SLC24A2: variants seen among roughly 807,000 people sequenced by gnomAD.
SLC24A2 encodes the protein sodium/potassium/calcium exchanger 2.
Under a neutral mutation model 62.0 loss-of-function variants are expected in SLC24A2, and 36 were observed. The observed-to-expected ratio is 0.58, with a 90% CI of 0.44 to 0.77. The LOEUF is 0.77. Ranked by LOEUF, SLC24A2 falls within the 30% of genes least tolerant of loss-of-function variation. SLC24A2 has a pLI of 0.00. For synonymous variants in SLC24A2, 358 were observed against 294.0 expected, an observed-to-expected ratio of 1.22 and a Z score of -2.23; for missense variants, 846 against 817.9, an observed-to-expected ratio of 1.03 and a Z score of -0.42.
At chr9:19,587,468 T>C (rs757125007) in intron 5 of SLC24A2, among the ~76,000 whole-genome samples, 56 of 152,200 alleles carry the variant, frequency 3.7e-4, no homozygotes, top group Non-Finnish European at 4.4e-5. Context: ...TGTAATCTGG[T>C]ACCTGTAAAT....
chr9:20,128,432 T>C, the SLC24A2 span, among the ~76,000 whole-genome samples: 1 of 152,150 alleles, frequency 6.6e-6, no homozygotes, highest in Admixed American at 6.6e-5. Context: ...TTACTGCTAA[T>C]AATAATGCTA....
the SLC24A2 span, among the ~76,000 whole-genome samples, chr9:19,970,613 C>G: frequency 1.3e-5 from 2 of 152,146 alleles, no homozygotes; most frequent in Non-Finnish European, 2.9e-5. Context: ...ATGTTAAGTT[C>G]ATTTGTTGAG....
At chr9:20,200,369 G>C in the SLC24A2 span, among the ~76,000 whole-genome samples, 1 of 152,142 alleles carries the variant, frequency 6.6e-6, no homozygotes, top group Non-Finnish European at 1.5e-5. Flanking sequence ...CTGTAGGCAT[G>C]GACCAAGAAA....
the SLC24A2 span, among the ~76,000 whole-genome samples, chr9:20,170,932 TAAG>T: frequency 2.0e-5 from 3 of 151,862 alleles, no homozygotes; most frequent in Admixed American, 2.0e-4. Context: ...TATCTAAAAT[TAAG>T]AAGAGGAAAA....
intron 2 of SLC24A2, among the ~76,000 whole-genome samples, chr9:19,751,418 A>T (rs1021506561): frequency 1.3e-5 from 2 of 152,080 alleles, no homozygotes; most frequent in African/African-American, 4.8e-5. Flanking sequence ...TCAAAATTTA[A>T]AAGTCTTGAG....
chr9:20,120,709 G>T, the SLC24A2 span, among the ~76,000 whole-genome samples: 2 of 151,338 alleles, frequency 1.3e-5, no homozygotes, highest in South Asian at 2.1e-4. Flanking sequence ...TAAAAGTTGG[G>T]GAAAAAAAAA....
chr9:20,155,581 TGAAA>T, the SLC24A2 span, among the ~76,000 whole-genome samples: 2 of 151,724 alleles, frequency 1.3e-5, no homozygotes, highest in African/African-American at 4.8e-5. Flanking sequence ...CTGCAAAAAT[TGAAA>T]GAAATATTTA....
chr9:19,541,222 C>G, intron 8 of SLC24A2, among the ~76,000 whole-genome samples: 1 of 146,038 alleles, frequency 6.8e-6, no homozygotes, highest in African/African-American at 2.6e-5. Flanking sequence ...AATCATTCTC[C>G]ATCCAGCTTT....
intron 2 of SLC24A2, among the ~76,000 whole-genome samples, chr9:19,742,507 A>G (rs1821710286): frequency 1.3e-5 from 2 of 152,192 alleles, no homozygotes; most frequent in Non-Finnish European, 2.9e-5. Context: ...GCCTATGTTT[A>G]AATTTTCCTG....
At chr9:19,730,530 G>A (rs1018842213) in intron 2 of SLC24A2, among the ~76,000 whole-genome samples, 4 of 151,964 alleles carry the variant, frequency 2.6e-5, no homozygotes, top group African/African-American at 9.7e-5. Flanking sequence ...AGAATGCTAG[G>A]CCATTATTTC....
chr9:20,035,864 G>C, the SLC24A2 span, among the ~76,000 whole-genome samples: 1 of 152,196 alleles, frequency 6.6e-6, no homozygotes, highest in African/African-American at 2.4e-5. Flanking sequence ...CAAAACCACT[G>C]CCTTGCTGTT....
the SLC24A2 span, among the ~76,000 whole-genome samples, chr9:20,225,390 T>G: frequency 6.7e-6 from 1 of 150,314 alleles, no homozygotes; most frequent in Admixed American, 6.7e-5. Context: ...ATAACTACTT[T>G]TGGGGAGGAG....
chr9:20,191,055 G>C, the SLC24A2 span, among the ~76,000 whole-genome samples: 2 of 152,048 alleles, frequency 1.3e-5, no homozygotes, highest in Non-Finnish European at 1.5e-5. Flanking sequence ...AATTGACTTT[G>C]AAAGATTATT....
the SLC24A2 span, among the ~76,000 whole-genome samples, chr9:19,850,967 G>GTATATATATATACATATA: frequency 1.1e-4 from 2 of 18,192 alleles, no homozygotes; most frequent in Non-Finnish European, 2.4e-4. Flanking sequence ...ATATATATAT[G>GTATATATATATACATATA]TATATATATA....
At chr9:19,567,997 ACAG>A (rs1835726379) in intron 7 of SLC24A2, among the ~76,000 whole-genome samples, 2 of 152,206 alleles carry the variant, frequency 1.3e-5, no homozygotes, top group African/African-American at 2.4e-5. Flanking sequence ...GGTTTTTAAA[ACAG>A]CAGGTTAATT....
chr9:20,226,808 A>T, the SLC24A2 span, among the ~76,000 whole-genome samples: 1 of 152,184 alleles, frequency 6.6e-6, no homozygotes, highest in Non-Finnish European at 1.5e-5. Flanking sequence ...ATCTCTATCA[A>T]TCATGAGTGT....
intron 2 of SLC24A2, among the ~76,000 whole-genome samples, chr9:19,656,404 T>C (rs960094463): frequency 2.3e-4 from 35 of 152,234 alleles, no homozygotes; most frequent in African/African-American, 7.7e-4. Context: ...TTCAAAACTC[T>C]AGTATTATTT....
chr9:20,054,980 T>A, the SLC24A2 span, among the ~76,000 whole-genome samples: 1 of 152,244 alleles, frequency 6.6e-6, no homozygotes, highest in Non-Finnish European at 1.5e-5. Context: ...GGTGAATTAG[T>A]GTCATTCTGT....
At chr9:19,892,728 T>C in the SLC24A2 span, among the ~76,000 whole-genome samples, 1 of 152,144 alleles carries the variant, frequency 6.6e-6, no homozygotes, top group Non-Finnish European at 1.5e-5. Context: ...GAAAAATTTT[T>C]GGTTTGTTTT....
Sources: gnomAD v4.1 joint callset for allele counts (sites outside exome capture counted in the v4.1 genomes callset) on GRCh38, gnomAD v4.1.1 for gene constraint, MANE v1.5 for transcripts, NCBI Gene and HGNC (gene_info 2026-07-23, HGNC 2026-07-21) for gene names.